The following WDR64 variants were observed in gnomAD, a reference collection of about 807,000 sequenced individuals.
WDR64 encodes the protein WD repeat domain 64.
Under a neutral mutation model 139.3 loss-of-function variants are expected in WDR64, and 112 were observed. The ratio of observed to expected loss-of-function variants is 0.80; its 90% CI spans 0.69 to 0.94. WDR64 has a LOEUF of 0.94. WDR64 is among the 40% of genes least tolerant of loss of function. The probability of loss-of-function intolerance (pLI) is 0.00; values close to 1 mark genes in which losing one functional copy is unlikely to be tolerated. For synonymous variants in WDR64, 444 were observed against 437.7 expected, an observed-to-expected ratio of 1.01 and a Z score of -0.18; for missense variants, 1,206 against 1,293.1, an observed-to-expected ratio of 0.93 and a Z score of 1.03.
intron 1 of WDR64, among the ~76,000 whole-genome samples, chr1:241,653,247 C>CA (rs1418938772): frequency 6.6e-6 from 1 of 152,140 alleles, no homozygotes; most frequent in Non-Finnish European, 1.5e-5. Flanking sequence ...AATAAAGCTA[C>CA]ATGGCAGAGT....
At chr1:241,749,792 A>C in intron 14 of WDR64, 70 bp downstream of exon 14, 1 of 1,530,478 alleles carries the variant, frequency 6.5e-7, no homozygotes, top group Non-Finnish European at 9.0e-7. Flanking sequence ...TCAGTGGATA[A>C]TCCCCACCAT....
rs1558517235 is a variant in WDR64 at position 241,769,620 on chromosome 1, C to G, written c.2183+115C>G. The G allele has an allele frequency of 4.4e-6, 4 of 910,666 alleles. No homozygotes were observed. In the East Asian group the frequency reaches 8.0e-5, roughly 18 times the overall value. The allele number at this position is 910,666 out of a possible 1,614,324, so 56.4% of individuals were successfully genotyped here. A position where few individuals can be genotyped will look rare whatever the true frequency, so the allele number is the denominator to read the frequency against. On this transcript the variant is annotated intron_variant, in intron 17 of 27. Coordinates refer to ENST00000437684, the MANE Select transcript of WDR64 (RefSeq NM_001367482.1). ...CATTGAAAGTAATAGAAAGAGTTTACTTCATCCCAGCATTAAAGAAGGGAC... is the reference window on the plus strand; with the variant it reads ...CATTGAAAGTAATAGAAAGAGTTTAGTTCATCCCAGCATTAAAGAAGGGAC...
chr1:241,734,456 A>C (rs1318167617), intron 10 of WDR64, among the ~76,000 whole-genome samples: 1 of 152,136 alleles, frequency 6.6e-6, no homozygotes, highest in Admixed American at 6.5e-5. Flanking sequence ...AGCAACTAAT[A>C]TATTGTGAAC....
At chr1:241,790,789 AT>A in intron 25 of WDR64, 93 bp downstream of exon 25, 2 of 924,880 alleles carry the variant, frequency 2.2e-6, no homozygotes, top group Non-Finnish European at 3.3e-6. Context: ...GTAATATAAC[AT>A]ATTAATTTTT....
Position 241,656,936 on chromosome 1 carries a change from CA to C in WDR64, c.146-3590del, listed in dbSNP as rs2148050752. On this transcript the variant is annotated intron_variant, in intron 1 of 27. Transcript: ENST00000437684. The surrounding 1 kb of genome is among the most constrained non-coding windows in gnomAD (Gnocchi z 4.3). ...TCTGTCTGGGGATGGAGGTGAGGTG[CA>C]AAATCTCCCCTGCATAAGAACCACT... Among the ~76,000 whole-genome samples the C allele has an allele frequency of 6.7e-6, 1 of 148,392 alleles. No homozygotes were observed. The highest frequency in any genetic ancestry group is 2.5e-5 in the African/African-American group (1 of 40,058).
intron 21 of WDR64, among the ~76,000 whole-genome samples, chr1:241,776,522 C>T (rs983362427): frequency 2.2e-4 from 33 of 151,952 alleles, no homozygotes; most frequent in Non-Finnish European, 1.6e-4. Flanking sequence ...CCCTGTTTTT[C>T]CTGGAGTTTT....
chr1:241,786,013 A>G (rs1364616673), intron 23 of WDR64, among the ~76,000 whole-genome samples: 2 of 152,224 alleles, frequency 1.3e-5, no homozygotes, highest in Non-Finnish European at 2.9e-5. Context: ...AGCAGAATAA[A>G]TTTAGAATTG....
chr1:241,653,347 G>A (rs758111656), intron 1 of WDR64, among the ~76,000 whole-genome samples: 15 of 152,206 alleles, frequency 9.9e-5, no homozygotes, highest in Non-Finnish European at 2.9e-5. Context: ...GCCTCTGAGT[G>A]TGCCAGGCTG....
At position 241,735,531 on chromosome 1, in the gene WDR64, C is replaced by CCCTTTTTTTTT. The variant is rs1296893731; in HGVS notation, c.1195-2832_1195-2831insCCTTTTTTTTT. Among the ~76,000 whole-genome samples, 123 of 96,786 alleles carry CCCTTTTTTTTT rather than the reference C, an allele frequency of 1.3e-3. 3 individuals carry two copies. Among genetic ancestry groups the CCCTTTTTTTTT allele is most frequent in the African/African-American group, 4.6e-3 (113 of 24,394 alleles). 63.5% of individuals were successfully genotyped at this position (96,786 alleles called of 152,430 possible). A position where few individuals can be genotyped will look rare whatever the true frequency, so the allele number is the denominator to read the frequency against. On this transcript the variant is annotated intron_variant, in intron 10 of 27. Transcript: ENST00000437684. ...TAGTTCTCTGTCTCTCTCTCTCTCT[C>CCCTTTTTTTTT]TCTTTTTTTTTTTTTTTTTTTGATA...
At position 241,665,720 on chromosome 1, in the gene WDR64, G is replaced by A. The variant is rs75859986; in HGVS notation, c.276+5060G>A. On this transcript the variant is annotated intron_variant, in intron 2 of 27. Coordinates refer to ENST00000437684, the MANE Select transcript of WDR64 (RefSeq NM_001367482.1). ...CCTTAAGTTTATAAAGCTAGTTAAT[G>A]GAAAAGTCTGGTGCAGACACAGTCT... 7.5e-3 allele frequency among the ~76,000 whole-genome samples: 1,148 copies of A among 152,218 alleles called. 7 individuals are homozygous for A. Among genetic ancestry groups the A allele is most frequent in the Middle Eastern group, 0.014 (4 of 294 alleles).
intron 21 of WDR64, 24 bp downstream of exon 21, chr1:241,775,234 C>T: frequency 6.6e-7 from 1 of 1,525,378 alleles, no homozygotes. Context: ...CTTAGACATT[C>T]AGTGACAGGT....
chr1:241,793,137 T>C (rs1459262612), intron 25 of WDR64, among the ~76,000 whole-genome samples: 2 of 152,220 alleles, frequency 1.3e-5, no homozygotes, highest in East Asian at 1.9e-4. Flanking sequence ...AGTATATCCA[T>C]AACAATTTCA....
At chr1:241,738,313 T>C in intron 10 of WDR64, 50 bp from the exon 11 acceptor site, 1 of 1,580,716 alleles carries the variant, frequency 6.3e-7, no homozygotes, top group Non-Finnish European at 8.6e-7. Flanking sequence ...ATATCTTGGG[T>C]GAGAAAGGTG....
rs74150367 is a variant in WDR64 at position 241,704,657 on chromosome 1, T to A, written c.975-7145T>A. Among the ~76,000 whole-genome samples, 1,177 of 152,298 alleles carry A rather than the reference T, an allele frequency of 7.7e-3. 15 individuals are homozygous for A. The highest frequency in any genetic ancestry group is 0.026 in the African/African-American group (1,098 of 41,542). ...AGAGTAATTACATCTAAAGGGCAAATATCCTTAAGAAACTGAAATTTTTAA... is the reference window on the plus strand; with the variant it reads ...AGAGTAATTACATCTAAAGGGCAAAAATCCTTAAGAAACTGAAATTTTTAA... On this transcript the variant is annotated intron_variant, in intron 8 of 27. Coordinates refer to ENST00000437684, the MANE Select transcript of WDR64 (RefSeq NM_001367482.1).
intron 27 of WDR64, among the ~76,000 whole-genome samples, chr1:241,799,876 C>T (rs1012914033): frequency 6.6e-6 from 1 of 152,070 alleles, no homozygotes; most frequent in African/African-American, 2.4e-5. Flanking sequence ...CACTACATGA[C>T]ATTGTATCAT....
At chr1:241,748,736 G>A (rs1163442267) in intron 13 of WDR64, among the ~76,000 whole-genome samples, 1 of 152,014 alleles carries the variant, frequency 6.6e-6, no homozygotes, top group Non-Finnish European at 1.5e-5. Context: ...TCAGGAGATC[G>A]AGACCATCCT....
At position 241,703,782 on chromosome 1, in the gene WDR64, G is replaced by A. The variant is rs750984218; in HGVS notation, c.975-8020G>A. ...ATTGACTCACAGTTCCACATGGCTG[G>A]GGAGGCTTCAGGAAACTTACAATCA... On this transcript the variant is annotated intron_variant, in intron 8 of 27. Coordinates refer to ENST00000437684, the MANE Select transcript of WDR64 (RefSeq NM_001367482.1). This position sits in a 1 kb window ranked among gnomAD's most constrained non-coding sequence, Gnocchi z 5.9. 6.6e-6 allele frequency among the ~76,000 whole-genome samples: 1 copy of A among 152,128 alleles called. No homozygotes were observed. Among genetic ancestry groups the A allele is most frequent in the Non-Finnish European group, 1.5e-5 (1 of 68,028 alleles).
At chr1:241,690,959 T>C (rs893759768) in intron 8 of WDR64, among the ~76,000 whole-genome samples, 2 of 152,172 alleles carry the variant, frequency 1.3e-5, no homozygotes, top group African/African-American at 4.8e-5. Context: ...TGTATGTATA[T>C]ATGGTATATT....
chr1:241,745,269 C>T (rs184902116), intron 13 of WDR64, among the ~76,000 whole-genome samples: 1 of 149,128 alleles, frequency 6.7e-6, no homozygotes, highest in African/African-American at 2.5e-5. Context: ...GAAAGTCTCA[C>T]TTTTAAAAGT....
Sources: gnomAD v4.1 joint callset for allele counts (sites outside exome capture counted in the v4.1 genomes callset) on GRCh38, gnomAD v4.1.1 for gene constraint, Gnocchi (gnomAD v3.1) non-coding constraint, MANE v1.5 for transcripts, NCBI Gene and HGNC (gene_info 2026-07-23, HGNC 2026-07-21) for gene names.